MPZL1: variants seen among roughly 807,000 people sequenced by gnomAD.
MPZL1 encodes myelin protein zero-like protein 1.
A neutral mutation model predicts 29.3 loss-of-function variants in MPZL1; 16 were observed. The observed-to-expected ratio is 0.55, with a 90% CI of 0.37 to 0.83. The LOEUF is 0.83. Ranked by LOEUF, MPZL1 falls within the 40% of genes least tolerant of loss-of-function variation. The probability of loss-of-function intolerance (pLI) is 0.00; values close to 1 mark genes in which losing one functional copy is unlikely to be tolerated. For missense variants in MPZL1, 279 were observed against 332.9 expected (o/e 0.84, Z 1.26); for synonymous variants, 143 against 132.0 (o/e 1.08, Z -0.57).
intron 2 of MPZL1, 62 bp downstream of exon 2, chr1:167,765,811 T>C: frequency 7.1e-7 from 1 of 1,411,828 alleles, no homozygotes; most frequent in Non-Finnish European, 9.5e-7. Context: ...TGCTGTATAA[T>C]TGGTGATCCA....
intron 2 of MPZL1, among the ~76,000 whole-genome samples, chr1:167,767,620 T>A (rs911687117): frequency 6.6e-6 from 1 of 152,154 alleles, no homozygotes; most frequent in African/African-American, 2.4e-5. Context: ...TCGGGACACA[T>A]TTAATAAGAT....
chr1:167,780,494 A>G (rs1294135897), intron 5 of MPZL1, among the ~76,000 whole-genome samples: 1 of 152,226 alleles, frequency 6.6e-6, no homozygotes, highest in Non-Finnish European at 1.5e-5. Context: ...AAGCAACCCA[A>G]GAGTCCATCA....
chr1:167,728,197 G>A (rs1336654176), intron 1 of MPZL1, among the ~76,000 whole-genome samples: 1 of 151,670 alleles, frequency 6.6e-6, no homozygotes, highest in East Asian at 1.9e-4. Context: ...CTGCCACCAC[G>A]CCTGGCTAAT....
intron 1 of MPZL1, among the ~76,000 whole-genome samples, chr1:167,758,005 T>A (rs6702121): frequency 0.07 from 10,606 of 151,730 alleles, 496 homozygotes; most frequent in African/African-American, 0.12. Context: ...AATAGAAAAA[T>A]TATCTAGGCA....
At chr1:167,728,645 C>T (rs1241279908) in intron 1 of MPZL1, among the ~76,000 whole-genome samples, 1 of 147,886 alleles carries the variant, frequency 6.8e-6, no homozygotes, top group Admixed American at 6.7e-5. Context: ...CTTCTAAACT[C>T]AGAGTCTCTA....
intron 1 of MPZL1, 88 bp downstream of exon 1, chr1:167,722,330 C>G (rs1660048901): frequency 2.4e-6 from 3 of 1,228,306 alleles, no homozygotes; most frequent in Non-Finnish European, 3.0e-6. Context: ...AGGCCAGGCG[C>G]GCGCACTGAG....
chr1:167,731,885 T>C (rs1017890508), intron 1 of MPZL1, among the ~76,000 whole-genome samples: 16 of 152,256 alleles, frequency 1.1e-4, no homozygotes, highest in Middle Eastern at 6.8e-3. Flanking sequence ...AAACAAGTTA[T>C]AGGTCCACAG....
chr1:167,742,428 A>T (rs1660550694), intron 1 of MPZL1, among the ~76,000 whole-genome samples: 1 of 152,154 alleles, frequency 6.6e-6, no homozygotes, highest in Non-Finnish European at 1.5e-5. Flanking sequence ...GTATCTTTCA[A>T]ATAAAAAAGA....
intron 1 of MPZL1, among the ~76,000 whole-genome samples, chr1:167,752,806 G>GA (rs561959650): frequency 4.0e-4 from 60 of 151,732 alleles, no homozygotes; most frequent in Non-Finnish European, 7.4e-4. Flanking sequence ...CTTATTTTAG[G>GA]AAAAAAAATA....
Position 167,781,048 on chromosome 1 carries a change from TGAA to T in MPZL1, c.708+4888_708+4890del, listed in dbSNP as rs985020380. ...TTATGATGACAAAGTGATCTACTCATGAAGAAGACATAATCCTAAATATTTATA... is the reference window on the plus strand; with the variant it reads ...TTATGATGACAAAGTGATCTACTCATGAAGACATAATCCTAAATATTTATA... On this transcript the variant is annotated intron_variant, in intron 5 of 5. Coordinates refer to ENST00000359523, the MANE Select transcript of MPZL1 (RefSeq NM_003953.6). 3.3e-5 allele frequency among the ~76,000 whole-genome samples: 5 copies of T among 152,212 alleles called. No homozygotes were observed. The East Asian group carries it at 9.6e-4, about 29-fold the overall frequency.
intron 2 of MPZL1, 67 bp from the exon 3 acceptor site, chr1:167,772,208 G>A: frequency 1.0e-5 from 13 of 1,257,376 alleles, no homozygotes; most frequent in Non-Finnish European, 6.8e-6. Context: ...TTCATAGCAT[G>A]CACATTACAG....
intron 1 of MPZL1, among the ~76,000 whole-genome samples, chr1:167,729,842 G>A (rs1571132156): frequency 6.6e-6 from 1 of 152,176 alleles, no homozygotes; most frequent in Non-Finnish European, 1.5e-5. Context: ...TCACAGCTCT[G>A]TGCAATAATT....
At chr1:167,783,452 C>T (rs10489196) in intron 5 of MPZL1, among the ~76,000 whole-genome samples, 6,932 of 152,242 alleles carry the variant, frequency 0.046, 528 homozygotes, top group African/African-American at 0.16. Context: ...CGTTGATGCT[C>T]TGTATGCAAA....
At chr1:167,738,741 T>C (rs759024638) in intron 1 of MPZL1, among the ~76,000 whole-genome samples, 1 of 152,164 alleles carries the variant, frequency 6.6e-6, no homozygotes, top group Non-Finnish European at 1.5e-5. Flanking sequence ...GCTCTTGCCA[T>C]GTAAGACATG....
intron 1 of MPZL1, among the ~76,000 whole-genome samples, chr1:167,747,198 T>C (rs1384698288): frequency 6.6e-6 from 1 of 152,188 alleles, no homozygotes; most frequent in South Asian, 2.1e-4. Context: ...AAGGAACTAG[T>C]CTTTTAAAAA....
At chr1:167,754,706 C>T (rs558722788) in intron 1 of MPZL1, among the ~76,000 whole-genome samples, 5 of 152,206 alleles carry the variant, frequency 3.3e-5, no homozygotes, top group South Asian at 2.1e-4. Flanking sequence ...ATAATAGCAT[C>T]GTAAGTGAAG....
chr1:167,744,991 C>T lies in MPZL1; in HGVS notation c.92-20592C>T, dbSNP rs143930499. Among the ~76,000 whole-genome samples, 646 of 152,186 alleles carry T rather than the reference C, an allele frequency of 4.2e-3. 10 individuals are homozygous for T. Among genetic ancestry groups the T allele is most frequent in the Middle Eastern group, 6.8e-3 (2 of 294 alleles). Reference sequence around the variant, plus strand: ...ATACCATATGTGCACCAGGACGGTACGAAAAGGGTTTATGACTCACTTACT... The same window carrying T: ...ATACCATATGTGCACCAGGACGGTATGAAAAGGGTTTATGACTCACTTACT... On this transcript the variant is annotated intron_variant, in intron 1 of 5. Transcript: ENST00000359523.
chr1:167,779,457 C>T (rs979057627), intron 5 of MPZL1, among the ~76,000 whole-genome samples: 1 of 151,996 alleles, frequency 6.6e-6, no homozygotes, highest in East Asian at 1.9e-4. Flanking sequence ...TGGTGGCAGG[C>T]GCCTGTAATC....
rs767852440 is a variant in MPZL1 at position 167,776,113 on chromosome 1, TC to T, written c.660del (p.Ser221ProfsTer7). 3.1e-6 allele frequency: 5 copies of T among 1,612,402 alleles called. No individual in the cohort carries two copies. Among genetic ancestry groups the T allele is most frequent in the Non-Finnish European group, 8.5e-7 (1 of 1,179,170 alleles). ...LSPVKQAPRKSPSDTEGLVKS... is the reference protein window; with the variant it reads ...LSPVKQAPRKXPSDTEGLVKS... ...ACCAGTTAAGCAGGCTCCTCGGAAG[TC>T]CCCCTCCGACACTGAGGGTCTTGTA... On this transcript the variant is annotated frameshift_variant, in exon 5 of 6. Transcript: ENST00000359523. LOFTEE classifies it high-confidence loss of function.
Sources: allele counts gnomAD v4.1 joint callset (sites outside exome capture counted in the v4.1 genomes callset), GRCh38; gene constraint gnomAD v4.1.1; transcripts MANE v1.5; gene names NCBI Gene and HGNC (gene_info 2026-07-23, HGNC 2026-07-21).